Variants in ARPP21 observed in about 807,000 individuals in gnomAD.
ARPP21 encodes the protein cAMP regulated phosphoprotein 21, also known as cAMP-regulated phosphoprotein 21.
Under a neutral mutation model 113.2 loss-of-function variants are expected in ARPP21, and 69 were observed. The ratio of observed to expected loss-of-function variants is 0.61; its 90% CI spans 0.50 to 0.74. The LOEUF is 0.74. Ranked by LOEUF, ARPP21 falls within the 30% of genes least tolerant of loss-of-function variation. The pLI, the probability that ARPP21 is intolerant of heterozygous loss-of-function variation, is 0.00. For missense variants in ARPP21, 1,070 were observed against 1,037.4 expected (o/e 1.03, Z -0.43); for synonymous variants, 368 against 375.5 (o/e 0.98, Z 0.23).
At chr3:35,693,467 C>T (rs2082858151) in intron 9 of ARPP21, among the ~76,000 whole-genome samples, 1 of 151,360 alleles carries the variant, frequency 6.6e-6, no homozygotes, top group Non-Finnish European at 1.5e-5. Flanking sequence ...TGTATTTTAG[C>T]ACACGAAAAA....
chr3:35,699,835 T>C lies in ARPP21; in HGVS notation c.687-7139T>C, dbSNP rs577001154. The stretch of plus-strand genomic sequence containing the variant: ...CAATATATAAGCAGAAAGCCTTTTG[T>C]CTCAAAAAAACACAACAATTATATT... On this transcript the variant is annotated intron_variant, in intron 9 of 20. Coordinates refer to ENST00000684406, the MANE Select transcript of ARPP21 (RefSeq NM_001385562.1). Among the ~76,000 whole-genome samples the C allele has an allele frequency of 2.6e-5, 4 of 151,846 alleles. No individual in the cohort carries two copies. In the South Asian group the frequency reaches 8.3e-4, roughly 31 times the overall value.
intron 15 of ARPP21, among the ~76,000 whole-genome samples, chr3:35,730,074 C>G (rs9853576): frequency 0.14 from 21,786 of 152,172 alleles, 1,658 homozygotes; most frequent in South Asian, 0.26. Context: ...GAAGAGAATA[C>G]AGAGAGAAAA....
intron 13 of ARPP21, among the ~76,000 whole-genome samples, chr3:35,718,734 A>G (rs1284836221): frequency 6.6e-6 from 1 of 152,166 alleles, no homozygotes; most frequent in East Asian, 1.9e-4. Context: ...AGGAAAATAA[A>G]TATTTTCAGT....
chr3:35,741,056 G>A (rs879434080), intron 18 of ARPP21, among the ~76,000 whole-genome samples: 3 of 152,048 alleles, frequency 2.0e-5, no homozygotes, highest in Non-Finnish European at 4.4e-5. Context: ...GAGCCATGAT[G>A]ATATCTCTAC....
intron 1 of ARPP21, among the ~76,000 whole-genome samples, chr3:35,648,674 G>A (rs556706747): frequency 2.6e-5 from 4 of 152,222 alleles, no homozygotes; most frequent in East Asian, 1.9e-4. Flanking sequence ...GACTTCTCTC[G>A]TAACTGAGGT....
chr3:35,793,572 G>T, intron 20 of ARPP21, 129 bp from the exon 21 acceptor site: 1 of 666,160 alleles, frequency 1.5e-6, no homozygotes. Context: ...CCGATAAATG[G>T]CAGAGCTGGA....
At chr3:35,737,136 G>A (rs2094406216) in intron 15 of ARPP21, 42 bp from the exon 16 acceptor site, 2 of 1,218,054 alleles carry the variant, frequency 1.6e-6, no homozygotes, top group East Asian at 4.7e-5. Flanking sequence ...TCAAAGGAGA[G>A]ATTGAGAAGC....
chr3:35,699,640 C>A (rs2085501471), intron 9 of ARPP21, among the ~76,000 whole-genome samples: 1 of 151,594 alleles, frequency 6.6e-6, no homozygotes, highest in African/African-American at 2.4e-5. Context: ...ACCTTCTGGG[C>A]TTCAAGCCAG....
chr3:35,658,834 T>C (rs994735012), intron 1 of ARPP21, among the ~76,000 whole-genome samples: 5 of 152,062 alleles, frequency 3.3e-5, no homozygotes, highest in African/African-American at 1.2e-4. Context: ...CAAATGTTAC[T>C]CACAGTGTGA....
intron 6 of ARPP21, 74 bp downstream of exon 6, chr3:35,687,957 A>C: frequency 7.2e-7 from 1 of 1,389,408 alleles, no homozygotes; most frequent in Non-Finnish European, 9.8e-7. Flanking sequence ...TCTAGATTTC[A>C]CATGCATATT....
At chr3:35,649,293 C>T (rs1701472457) in intron 1 of ARPP21, among the ~76,000 whole-genome samples, 1 of 152,126 alleles carries the variant, frequency 6.6e-6, no homozygotes, top group African/African-American at 2.4e-5. Context: ...ATTGTAACTG[C>T]ACTAGCTATT....
intron 14 of ARPP21, among the ~76,000 whole-genome samples, chr3:35,725,533 A>G (rs1260656448): frequency 1.3e-5 from 2 of 152,154 alleles, no homozygotes; most frequent in African/African-American, 4.8e-5. Context: ...ACAGCTAGTA[A>G]GTGGCAGAAC....
intron 11 of ARPP21, among the ~76,000 whole-genome samples, chr3:35,710,309 T>C (rs753421285): frequency 2.0e-5 from 3 of 152,070 alleles, no homozygotes; most frequent in Non-Finnish European, 4.4e-5. Flanking sequence ...GGTCAGAATT[T>C]TAGATAATGC....
chr3:35,668,547 G>A (rs1022470131), intron 1 of ARPP21, among the ~76,000 whole-genome samples: 1 of 152,152 alleles, frequency 6.6e-6, no homozygotes, highest in African/African-American at 2.4e-5. Flanking sequence ...AACTGAAAAC[G>A]AAGTCTACCA....
chr3:35,762,876 T>G (rs2095833435), intron 19 of ARPP21, among the ~76,000 whole-genome samples: 1 of 152,106 alleles, frequency 6.6e-6, no homozygotes, highest in Non-Finnish European at 1.5e-5. Context: ...ACGATCACAC[T>G]CTGAGATTAT....
At chr3:35,790,943 A>G (rs1400013533) in intron 19 of ARPP21, among the ~76,000 whole-genome samples, 1 of 152,198 alleles carries the variant, frequency 6.6e-6, no homozygotes, top group Non-Finnish European at 1.5e-5. Flanking sequence ...TCCACTTGCC[A>G]ATTGTAGGCA....
chr3:35,690,963 C>G lies in ARPP21; in HGVS notation c.644C>G (p.Thr215Arg). The part of the protein sequence containing the change: ...YFGLDHNVDQ[T>R]GKSVIINKTS... The stretch of plus-strand genomic sequence containing the variant: ...GGATTGGATCACAATGTGGATCAAA[C>G]AGGAAAATCTGTTATCATCAACAAG... The change falls in exon 9 of 21, where the codon ACA (threonine) becomes AGA (arginine). Residue 215 changes from threonine (T) to arginine (R), a missense_variant. Coordinates refer to ENST00000684406, the MANE Select transcript of ARPP21 (RefSeq NM_001385562.1). 1.2e-6 allele frequency: 2 copies of G among 1,610,704 alleles called. No homozygotes were observed. Among genetic ancestry groups the G allele is most frequent in the Non-Finnish European group, 1.7e-6 (2 of 1,177,868 alleles).
chr3:35,667,569 G>T (rs771956649), intron 1 of ARPP21, among the ~76,000 whole-genome samples: 33 of 151,900 alleles, frequency 2.2e-4, no homozygotes, highest in Non-Finnish European at 4.3e-4. Flanking sequence ...TAATCTTTTT[G>T]CATTGACTCT....
intron 19 of ARPP21, among the ~76,000 whole-genome samples, chr3:35,770,814 A>G (rs1232781097): frequency 1.3e-5 from 2 of 152,224 alleles, no homozygotes; most frequent in Non-Finnish European, 2.9e-5. Context: ...TTATTCTACA[A>G]TGAAAGGCTA....
Sources: allele counts gnomAD v4.1 joint callset (sites outside exome capture counted in the v4.1 genomes callset), GRCh38; gene constraint gnomAD v4.1.1; transcripts MANE v1.5; gene names NCBI Gene and HGNC (gene_info 2026-07-23, HGNC 2026-07-21).